PEAK1: variants seen among roughly 807,000 people sequenced by gnomAD.
PEAK1 encodes pseudopodium enriched atypical kinase 1.
A neutral mutation model predicts 124.7 loss-of-function variants in PEAK1; 54 were observed. The observed-to-expected ratio is 0.43, with a 90% CI of 0.35 to 0.54. The LOEUF (loss-of-function observed/expected upper bound fraction) is 0.54, where lower values mean the gene tolerates loss of function less well. PEAK1 is among the 20% of genes least tolerant of loss of function. The pLI is 0.01. For missense variants in PEAK1, 2,046 were observed against 2,134.5 expected (o/e 0.96, Z 0.82); for synonymous variants, 719 against 760.0 (o/e 0.95, Z 0.89).
At chr15:77,240,189 T>C (rs2060292328) in intron 6 of PEAK1, among the ~76,000 whole-genome samples, 1 of 152,272 alleles carries the variant, frequency 6.6e-6, no homozygotes, top group Admixed American at 6.5e-5. Flanking sequence ...AACATTCATA[T>C]GCCACTTGGC....
intron 6 of PEAK1, among the ~76,000 whole-genome samples, chr15:77,197,774 C>A (rs1012889168): frequency 1.3e-5 from 2 of 152,110 alleles, no homozygotes; most frequent in Non-Finnish European, 2.9e-5. Flanking sequence ...AAGTAGACCA[C>A]GACAATTTTC....
intron 7 of PEAK1, chr15:77,178,148 G>C (rs2152815528): frequency 6.6e-6 from 1 of 152,204 alleles, no homozygotes; most frequent in Middle Eastern, 3.4e-3. Flanking sequence ...GAACTGATTT[G>C]GGTATGCAAT....
chr15:77,251,916 T>C (rs2060901024), intron 6 of PEAK1, among the ~76,000 whole-genome samples: 1 of 152,264 alleles, frequency 6.6e-6, no homozygotes, highest in South Asian at 2.1e-4. Context: ...GAGCTGCTAC[T>C]GTCTGCCTAC....
At chr15:77,226,044 GATATATATATATATAT>G (rs1157824212) in intron 6 of PEAK1, among the ~76,000 whole-genome samples, 49 of 44,988 alleles carry the variant, frequency 1.1e-3, no homozygotes, top group African/African-American at 2.2e-3. Flanking sequence ...AAAATAAAGG[GATATATATATATATAT>G]ATATATATAT....
intron 6 of PEAK1, among the ~76,000 whole-genome samples, chr15:77,202,583 G>A (rs1324754049): frequency 4.0e-5 from 6 of 151,402 alleles, no homozygotes; most frequent in South Asian, 2.1e-4. Flanking sequence ...TGGTTAACAC[G>A]GTGAAACCCC....
rs1038396956 is a variant in PEAK1 at position 77,185,331 on chromosome 15, T to C, written c.-114-3291A>G. On this transcript the variant is annotated intron_variant, in intron 6 of 9. Transcript: ENST00000682557. ...CTCCTCTGCTTAGGAATTACTAGTA[T>C]AGAGATATTTAGGCCGAAAAGAAAA... 5.9e-5 allele frequency among the ~76,000 whole-genome samples: 9 copies of C among 152,110 alleles called. 1 individual carries two copies. The highest frequency in any genetic ancestry group is 1.3e-4 in the Non-Finnish European group (9 of 68,012).
intron 2 of PEAK1, among the ~76,000 whole-genome samples, chr15:77,358,928 A>G (rs969891002): frequency 5.9e-5 from 9 of 152,226 alleles, no homozygotes; most frequent in African/African-American, 2.2e-4. Flanking sequence ...TACTGTGAAG[A>G]TTACATGAAA....
intron 6 of PEAK1, among the ~76,000 whole-genome samples, chr15:77,237,997 T>C (rs1418523723): frequency 6.6e-6 from 1 of 152,216 alleles, no homozygotes; most frequent in Non-Finnish European, 1.5e-5. Flanking sequence ...GCAACCATTC[T>C]ACATTGTATT....
At chr15:77,305,507 G>C (rs541397364) in intron 2 of PEAK1, among the ~76,000 whole-genome samples, 30 of 152,248 alleles carry the variant, frequency 2.0e-4, no homozygotes, top group Middle Eastern at 6.8e-3. Context: ...AGCTCAGACT[G>C]AATTACATAT....
In PEAK1 at chr15:77,265,445, G is replaced by A. The variant is rs531220210; in HGVS notation, c.-274-12919C>T. ...ACAACCCCATCAAAAAGTGGGCGAA[G>A]GACATGAACAGACACTTCTCAAAAG... On this transcript the variant is annotated intron_variant, in intron 5 of 9. Transcript: ENST00000682557. Among the ~76,000 whole-genome samples the A allele has an allele frequency of 3.3e-3, 497 of 152,282 alleles. 4 individuals are homozygous for A. Among genetic ancestry groups the A allele is most frequent in the Admixed American group, 4.0e-3 (61 of 15,290 alleles).
intron 6 of PEAK1, among the ~76,000 whole-genome samples, chr15:77,195,285 C>T (rs2058046618): frequency 6.6e-6 from 1 of 152,056 alleles, no homozygotes; most frequent in Admixed American, 6.6e-5. Context: ...TTCAAAGGAA[C>T]ATAGAGAACT....
intron 8 of PEAK1, among the ~76,000 whole-genome samples, chr15:77,141,656 G>A (rs1205436090): frequency 1.3e-5 from 2 of 152,144 alleles, no homozygotes; most frequent in Non-Finnish European, 2.9e-5. Flanking sequence ...TCAAGAGTAC[G>A]TGGTACTGGC....
intron 2 of PEAK1, among the ~76,000 whole-genome samples, chr15:77,313,614 G>A (rs2064619001): frequency 6.8e-6 from 1 of 147,620 alleles, no homozygotes; most frequent in Non-Finnish European, 1.5e-5. Context: ...TTACAGGCAT[G>A]CACCACCATG....
At chr15:77,374,428 A>C (rs2068857167) in intron 1 of PEAK1, among the ~76,000 whole-genome samples, 1 of 152,172 alleles carries the variant, frequency 6.6e-6, no homozygotes, top group South Asian at 2.1e-4. Context: ...AATAATGTAT[A>C]ATTATTTTGA....
intron 2 of PEAK1, chr15:77,345,885 G>A (rs2066846301): frequency 2.1e-6 from 2 of 973,846 alleles, no homozygotes. Flanking sequence ...ATATCAATAA[G>A]TAATTTAAAA....
chr15:77,278,952 C>G (rs996614401), intron 5 of PEAK1, among the ~76,000 whole-genome samples: 30 of 151,188 alleles, frequency 2.0e-4, no homozygotes, highest in African/African-American at 7.3e-4. Flanking sequence ...CTAGCCTCAG[C>G]CTCCCGAGTA....
intron 9 of PEAK1, among the ~76,000 whole-genome samples, chr15:77,116,744 CTATCTATCTATA>C (rs1362662243): frequency 1.4e-5 from 2 of 145,930 alleles, no homozygotes; most frequent in Non-Finnish European, 3.0e-5. Context: ...ATCTATCTAT[CTATCTATCTATA>C]CCTCAGCACA....
rs1355358489 is a variant in PEAK1 at position 77,272,376 on chromosome 15, A to G, written c.-275+11507T>C. Among the ~76,000 whole-genome samples, 8 of 152,346 alleles carry G rather than the reference A, an allele frequency of 5.3e-5. No individual in the cohort carries two copies. The East Asian group carries it at 9.6e-4, about 18-fold the overall frequency. ...TGATAGACCATTAGTGAGATTAACC[A>G]AGAAAGAAGAGAGAAGATCCAAATA... On this transcript the variant is annotated intron_variant, in intron 5 of 9. Transcript: ENST00000682557.
intron 1 of PEAK1, among the ~76,000 whole-genome samples, chr15:77,406,021 T>C (rs1230018310): frequency 6.6e-6 from 1 of 152,210 alleles, no homozygotes. Flanking sequence ...GGAAGAGATA[T>C]ATAAGACACC....
Sources: gnomAD v4.1 joint callset for allele counts (sites outside exome capture counted in the v4.1 genomes callset) on GRCh38, gnomAD v4.1.1 for gene constraint, MANE v1.5 for transcripts, NCBI Gene and HGNC (gene_info 2026-07-23, HGNC 2026-07-21) for gene names.